Variants in LRRC37A2 observed in about 807,000 individuals in gnomAD.
LRRC37A2 encodes leucine rich repeat containing 37 member A2.
LRRC37A2 carries 9 observed loss-of-function variants against 68.8 expected under a neutral mutation model. The observed-to-expected ratio is 0.13, with a 90% CI of 0.08 to 0.23. The LOEUF is 0.23. LRRC37A2 is among the 10% of genes least tolerant of loss of function. LRRC37A2 has a pLI of 1.00. For synonymous variants in LRRC37A2, 63 were observed against 367.6 expected (o/e 0.17, Z 9.48); for missense variants, 168 against 950.4 (o/e 0.18, Z 10.82).
At chr17:46,489,493 G>A in the LRRC37A2 span, among the ~76,000 whole-genome samples, 13 of 145,202 alleles carry the variant, frequency 9.0e-5, no homozygotes. Context: ...TTGTTTGTTT[G>A]TTTGTTTTTT....
chr17:46,928,021 C>T, the LRRC37A2 span, among the ~76,000 whole-genome samples: 1 of 152,140 alleles, frequency 6.6e-6, no homozygotes, highest in African/African-American at 2.4e-5. Context: ...CTTGGTTGCC[C>T]TGCTTCAGGT....
At chr17:46,844,758 T>A in the LRRC37A2 span, among the ~76,000 whole-genome samples, 3 of 152,230 alleles carry the variant, frequency 2.0e-5, no homozygotes, top group East Asian at 3.8e-4. Flanking sequence ...AATTATGGCA[T>A]ATTTTTAAAC....
the LRRC37A2 span, among the ~76,000 whole-genome samples, chr17:46,912,000 C>T: frequency 6.6e-6 from 1 of 152,214 alleles, no homozygotes; most frequent in South Asian, 2.1e-4. Context: ...GCCAGCCCCT[C>T]AAGTCTACAC....
At chr17:47,018,630 T>C in the LRRC37A2 span, 1 of 1,519,988 alleles carries the variant, frequency 6.6e-7, no homozygotes, top group South Asian at 1.1e-5. Context: ...GGAGACTTCA[T>C]TTCAGTCTCC....
the LRRC37A2 span, chr17:46,941,138 T>C: frequency 8.8e-6 from 9 of 1,018,976 alleles, no homozygotes; most frequent in Non-Finnish European, 9.4e-6. Context: ...GAACTTGAGA[T>C]CTCTTTATTA....
the LRRC37A2 span, among the ~76,000 whole-genome samples, chr17:46,814,178 T>G: frequency 0.05 from 7,581 of 152,220 alleles, 372 homozygotes; most frequent in East Asian, 0.25. Context: ...TCCACCCATC[T>G]CTCACCTCTT....
the LRRC37A2 span, among the ~76,000 whole-genome samples, chr17:46,691,735 T>C: frequency 6.6e-6 from 1 of 151,718 alleles, no homozygotes; most frequent in African/African-American, 2.4e-5. Context: ...GTTCATTTTT[T>C]ACCAGTTTTG....
At chr17:46,924,942 T>C in the LRRC37A2 span, among the ~76,000 whole-genome samples, 2 of 152,336 alleles carry the variant, frequency 1.3e-5, no homozygotes, top group East Asian at 3.9e-4. Flanking sequence ...CCATGACCCA[T>C]TTTATATTCA....
chr17:46,780,563 A>T, the LRRC37A2 span, among the ~76,000 whole-genome samples: 6 of 152,116 alleles, frequency 3.9e-5, no homozygotes, highest in Admixed American at 1.3e-4. Context: ...CCGAGGCGGG[A>T]GGATCACGAG....
chr17:46,976,416 G>A, the LRRC37A2 span, among the ~76,000 whole-genome samples: 4 of 151,668 alleles, frequency 2.6e-5, no homozygotes, highest in South Asian at 2.1e-4. Context: ...GCATGGTGGC[G>A]CGCGCCCATA....
chr17:46,404,611 T>A, the LRRC37A2 span, among the ~76,000 whole-genome samples: 1,730 of 105,126 alleles, frequency 0.016, 70 homozygotes, highest in African/African-American at 0.053. Context: ...GGCTCACACC[T>A]GTAATCTCAG....
the LRRC37A2 span, chr17:47,028,354 A>G: frequency 1.7e-5 from 25 of 1,491,740 alleles, no homozygotes; most frequent in Admixed American, 3.4e-5. Flanking sequence ...CAGTTTTTAC[A>G]TAAGTTGTAA....
the LRRC37A2 span, among the ~76,000 whole-genome samples, chr17:46,601,418 TACCTTGGTGATTTGTGC>T: frequency 1.5e-5 from 1 of 65,450 alleles, no homozygotes; most frequent in Non-Finnish European, 2.7e-5. Context: ...TTTTTTTTTT[TACCTTGGTGATTTGTGC>T]TTTTATGTGT....
chr17:46,802,219 T>G, the LRRC37A2 span, among the ~76,000 whole-genome samples: 1 of 152,154 alleles, frequency 6.6e-6, no homozygotes, highest in African/African-American at 2.4e-5. Flanking sequence ...AGATTGAGGT[T>G]GGTTACCCCA....
the LRRC37A2 span, among the ~76,000 whole-genome samples, chr17:46,708,031 CAAAAAAA>C: frequency 1.2e-5 from 1 of 85,558 alleles, no homozygotes; most frequent in Admixed American, 1.4e-4. Flanking sequence ...GACCCTGTCT[CAAAAAAA>C]AAAAAAAAAA....
At chr17:46,878,125 T>C in the LRRC37A2 span, among the ~76,000 whole-genome samples, 1 of 152,224 alleles carries the variant, frequency 6.6e-6, no homozygotes. Flanking sequence ...AGGGGTCCCC[T>C]TGCTGGAGGC....
chr17:46,947,224 C>T, the LRRC37A2 span, among the ~76,000 whole-genome samples: 1 of 152,114 alleles, frequency 6.6e-6, no homozygotes, highest in Non-Finnish European at 1.5e-5. Context: ...ATTCTGTGGC[C>T]CCAGGAGTTA....
the LRRC37A2 span, among the ~76,000 whole-genome samples, chr17:46,489,704 T>C: frequency 6.7e-6 from 1 of 148,904 alleles, no homozygotes; most frequent in East Asian, 2.0e-4. Context: ...GCCAGACTGG[T>C]CTCAAACTCC....
the LRRC37A2 span, among the ~76,000 whole-genome samples, chr17:47,027,321 C>A: frequency 1.3e-5 from 2 of 152,066 alleles, no homozygotes; most frequent in Admixed American, 1.3e-4. Context: ...CTACTGCTCT[C>A]AGGAAAAATT....
Sources: gnomAD v4.1 joint callset for allele counts (sites outside exome capture counted in the v4.1 genomes callset) on GRCh38, gnomAD v4.1.1 for gene constraint, MANE v1.5 for transcripts, NCBI Gene and HGNC (gene_info 2026-07-23, HGNC 2026-07-21) for gene names.